Variants in TMEM44 observed in about 807,000 individuals in gnomAD.
TMEM44 encodes the protein transmembrane protein 44.
In TMEM44, 43 loss-of-function variants were observed where a neutral mutation model predicts 47.8. That is an observed-to-expected ratio of 0.90 (90% CI 0.70 to 1.16). The LOEUF (loss-of-function observed/expected upper bound fraction) is 1.16, where lower values mean the gene tolerates loss of function less well. TMEM44 is among the 50% of genes most tolerant of loss of function. The pLI, the probability that TMEM44 is intolerant of heterozygous loss-of-function variation, is 0.00. For synonymous variants in TMEM44, 277 were observed against 238.8 expected (o/e 1.16, Z -1.48); for missense variants, 568 against 555.2 (o/e 1.02, Z -0.23).
At chr3:194,600,476 A>C (rs73195036) in intron 9 of TMEM44, among the ~76,000 whole-genome samples, 64,855 of 148,122 alleles carry the variant, frequency 0.44, 14,716 homozygotes, top group East Asian at 0.78. Flanking sequence ...AGGCTGGGCA[A>C]GGTGGCTCAC....
At chr3:194,603,528 G>A (rs1002331397) in intron 9 of TMEM44, among the ~76,000 whole-genome samples, 1 of 152,134 alleles carries the variant, frequency 6.6e-6, no homozygotes, top group Admixed American at 6.5e-5. Context: ...CTCCCAAGTA[G>A]CTGGGATTAC....
At chr3:194,604,136 G>A (rs1215855490) in intron 9 of TMEM44, 151 bp downstream of exon 9, 1 of 1,008,968 alleles carries the variant, frequency 9.9e-7, no homozygotes, top group Non-Finnish European at 1.4e-6. Flanking sequence ...TTACAGGTGT[G>A]AGCCACCGCG....
intron 6 of TMEM44, 24 bp downstream of exon 6, chr3:194,617,075 G>C (rs953478705): frequency 1.4e-5 from 20 of 1,461,314 alleles, no homozygotes; most frequent in Non-Finnish European, 1.8e-5. Flanking sequence ...CAAGCAGGGA[G>C]CTCCCCAGGC....
At chr3:194,610,549 C>G (rs961031860) in intron 8 of TMEM44, among the ~76,000 whole-genome samples, 1 of 152,156 alleles carries the variant, frequency 6.6e-6, no homozygotes, top group African/African-American at 2.4e-5. Flanking sequence ...TTATTTCCCA[C>G]ACAGGTCCTC....
intron 9 of TMEM44, among the ~76,000 whole-genome samples, chr3:194,595,987 T>C (rs1713358819): frequency 6.6e-6 from 1 of 152,002 alleles, no homozygotes; most frequent in African/African-American, 2.4e-5. Flanking sequence ...AAAGGCTTCC[T>C]GGAGGAAGGG....
At chr3:194,600,575 C>T (rs1220905805) in intron 9 of TMEM44, among the ~76,000 whole-genome samples, 2 of 151,956 alleles carry the variant, frequency 1.3e-5, no homozygotes, top group African/African-American at 4.8e-5. Flanking sequence ...GGTGAAACCT[C>T]ATCTCTACTA....
At chr3:194,612,084 TCA>T (rs1378386063) in intron 7 of TMEM44, among the ~76,000 whole-genome samples, 2 of 152,112 alleles carry the variant, frequency 1.3e-5, no homozygotes, top group East Asian at 1.9e-4. Flanking sequence ...GACCACACCC[TCA>T]GTTTCAGATT....
rs532364784 is a variant in TMEM44 at position 194,625,433 on chromosome 3, G to T, written c.358+464C>A. On this transcript the variant is annotated intron_variant, in intron 3 of 9. Transcript: ENST00000347147. ...ATGAGACACTCTCCTTCTTTTTTGGGGGGGGGGGGTTGTTTTTGTTTTTTG... is the reference window on the plus strand; with the variant it reads ...ATGAGACACTCTCCTTCTTTTTTGGTGGGGGGGGGTTGTTTTTGTTTTTTG... Among the ~76,000 whole-genome samples, 27 of 100,732 alleles carry T rather than the reference G, an allele frequency of 2.7e-4. No individual in the cohort carries two copies. In the East Asian group the frequency reaches 7.0e-3, roughly 26 times the overall value. 66.1% of individuals were successfully genotyped at this position (100,732 alleles called of 152,430 possible). A position where few individuals can be genotyped will look rare whatever the true frequency, so the allele number is the denominator to read the frequency against.
chr3:194,625,930 G>A lies in TMEM44; in HGVS notation c.325C>T (p.Pro109Ser), dbSNP rs765549706. The change falls in exon 3 of 10, where the codon CCA (proline) becomes TCA (serine). Residue 109 changes from proline to serine, a missense_variant. Pro to Ser is a moderately conservative substitution (Grantham distance 74, BLOSUM62 -1). Coordinates refer to ENST00000347147, the MANE Select transcript of TMEM44 (RefSeq NM_001011655.3). ...GACTTGAATTTGGATCCACAGACTG[G>A]GAAGAGAATGAACATAAAGTTCACT... is the stretch of plus-strand genomic sequence containing the variant. ...DLVNFMFILF[P>S]VCGSKFKSNS... 3 of 1,613,792 alleles carry A rather than the reference G, an allele frequency of 1.9e-6. No homozygotes were observed. Among genetic ancestry groups the A allele is most frequent in the East Asian group, 4.5e-5 (2 of 44,882 alleles).
chr3:194,621,419 G>T (rs376050433), intron 5 of TMEM44, among the ~76,000 whole-genome samples: 1 of 152,140 alleles, frequency 6.6e-6, no homozygotes, highest in Non-Finnish European at 1.5e-5. Context: ...TACTACCGGC[G>T]GTCAGGGCAC....
intron 1 of TMEM44, among the ~76,000 whole-genome samples, chr3:194,629,348 G>A (rs1717520868): frequency 6.6e-6 from 1 of 152,232 alleles, no homozygotes; most frequent in Non-Finnish European, 1.5e-5. Flanking sequence ...GAGCCCTTTT[G>A]GCACTTGGAG....
At chr3:194,595,170 T>A (rs1713252730) in intron 9 of TMEM44, among the ~76,000 whole-genome samples, 1 of 152,198 alleles carries the variant, frequency 6.6e-6, no homozygotes, top group Non-Finnish European at 1.5e-5. Context: ...ATGTATAATA[T>A]AATAAAAGCA....
Position 194,625,575 on chromosome 3 carries a change from G to C in TMEM44, c.358+322C>G, listed in dbSNP as rs560516977. ...AGCTCACTGCAACCTCCGCCTCCTG[G>C]GTTCAAGCGATTCTCCTGCCTCAGC... On this transcript the variant is annotated intron_variant, in intron 3 of 9. Transcript: ENST00000347147. 6.3e-4 allele frequency among the ~76,000 whole-genome samples: 96 copies of C among 152,296 alleles called. 1 individual carries two copies. In the South Asian group the frequency reaches 0.017, roughly 27 times the overall value.
At position 194,609,373 on chromosome 3, in the gene TMEM44, C is replaced by G. The variant is rs192900129; in HGVS notation, c.1017+1543G>C. Among the ~76,000 whole-genome samples the G allele has an allele frequency of 1.4e-3, 218 of 152,212 alleles. 1 individual carries two copies. The highest frequency in any genetic ancestry group is 2.2e-3 in the Non-Finnish European group (150 of 68,016). Reference sequence around the variant, plus strand: ...GACAGGGCGTTGGACTCCCTCTCTACAGTCAAGCTTACCCAGAGGAGCCAG... The same window carrying G: ...GACAGGGCGTTGGACTCCCTCTCTAGAGTCAAGCTTACCCAGAGGAGCCAG... On this transcript the variant is annotated intron_variant, in intron 8 of 9. Coordinates refer to ENST00000347147, the MANE Select transcript of TMEM44 (RefSeq NM_001011655.3).
chr3:194,630,891 CCG>C, intron 1 of TMEM44, among the ~76,000 whole-genome samples: 1 of 148,498 alleles, frequency 6.7e-6, no homozygotes, highest in Non-Finnish European at 1.5e-5. Flanking sequence ...CTGGCTGTTT[CCG>C]TCAGCGTCAC....
chr3:194,606,132 CAA>C (rs1464472096), intron 8 of TMEM44, among the ~76,000 whole-genome samples: 1 of 152,150 alleles, frequency 6.6e-6, no homozygotes, highest in East Asian at 1.9e-4. Flanking sequence ...ACACCTGCGT[CAA>C]AAGATAAAAC....
intron 8 of TMEM44, among the ~76,000 whole-genome samples, chr3:194,605,999 G>A (rs537770532): frequency 6.6e-6 from 1 of 152,334 alleles, no homozygotes; most frequent in African/African-American, 2.4e-5. Flanking sequence ...GAACACAGGT[G>A]AGGGGCCACC....
intron 7 of TMEM44, among the ~76,000 whole-genome samples, chr3:194,615,367 A>C (rs1715764969): frequency 6.6e-6 from 1 of 152,186 alleles, no homozygotes; most frequent in African/African-American, 2.4e-5. Context: ...CCATGCCAGT[A>C]AACAGGAAGG....
rs377678701 is a variant in TMEM44, at chr3:194,588,654, T to G, written c.1177-15A>C. The G allele has an allele frequency of 6.2e-7, 1 of 1,611,858 alleles. No homozygotes were observed. Among genetic ancestry groups the G allele is most frequent in the Non-Finnish European group, 8.5e-7 (1 of 1,178,016 alleles). ...TCAGGGTCCCACTATGGAGAAAAGA[T>G]GCAAAGGGTAGCTGGGTGGAACGGA... On this transcript the variant is annotated splice_polypyrimidine_tract_variant and intron_variant, in intron 9 of 9. Coordinates refer to ENST00000347147, the MANE Select transcript of TMEM44 (RefSeq NM_001011655.3).
Sources: allele counts gnomAD v4.1 joint callset (sites outside exome capture counted in the v4.1 genomes callset), GRCh38; gene constraint gnomAD v4.1.1; transcripts MANE v1.5; gene names NCBI Gene and HGNC (gene_info 2026-07-23, HGNC 2026-07-21).